Variants in EYS observed in about 807,000 individuals in gnomAD.
EYS encodes EGF-like photoreceptor maintenance factor, also known as protein eyes shut homolog.
A neutral mutation model predicts 282.1 loss-of-function variants in EYS; 250 were observed. The observed-to-expected ratio is 0.89, with a 90% CI of 0.80 to 0.98. The LOEUF is 0.98. EYS is among the 50% of genes least tolerant of loss of function. The pLI is 0.00. For missense variants in EYS, 4,016 were observed against 3,709.0 expected (o/e 1.08, Z -2.15); for synonymous variants, 1,355 against 1,282.9 (o/e 1.06, Z -1.20).
At chr6:64,045,013 G>A (rs145283199) in intron 33 of EYS, among the ~76,000 whole-genome samples, 2 of 152,212 alleles carry the variant, frequency 1.3e-5, no homozygotes, top group African/African-American at 2.4e-5. Flanking sequence ...TAAAAAGATT[G>A]TCTCATTGTA....
intron 26 of EYS, among the ~76,000 whole-genome samples, chr6:64,581,506 A>G (rs1442641883): frequency 6.6e-6 from 1 of 152,232 alleles, no homozygotes; most frequent in East Asian, 1.9e-4. Flanking sequence ...ATGTCATTCT[A>G]TGTAAGAAAA....
chr6:64,567,387 A>G (rs1765597138), intron 26 of EYS, among the ~76,000 whole-genome samples: 1 of 152,202 alleles, frequency 6.6e-6, no homozygotes, highest in African/African-American at 2.4e-5. Flanking sequence ...TATCTATTTG[A>G]TGACTTAATG....
intron 2 of EYS, among the ~76,000 whole-genome samples, chr6:65,581,058 A>G (rs1247375380): frequency 2.0e-5 from 3 of 152,084 alleles, no homozygotes; most frequent in African/African-American, 4.8e-5. Flanking sequence ...CTCATAATGG[A>G]TCTCTTAAGG....
intron 35 of EYS, among the ~76,000 whole-genome samples, chr6:63,875,922 G>C (rs941598277): frequency 2.6e-5 from 4 of 152,120 alleles, no homozygotes; most frequent in Admixed American, 6.5e-5. Context: ...CAAAAAACCA[G>C]CTCCTGGATT....
At chr6:64,958,595 C>T (rs886614768) in intron 14 of EYS, among the ~76,000 whole-genome samples, 1 of 150,472 alleles carries the variant, frequency 6.6e-6, no homozygotes, top group South Asian at 2.1e-4. Context: ...ATTAGCCGGG[C>T]GCAGTGGCGG....
At chr6:64,463,736 T>C (rs1775831155) in intron 26 of EYS, among the ~76,000 whole-genome samples, 1 of 152,062 alleles carries the variant, frequency 6.6e-6, no homozygotes, top group African/African-American at 2.4e-5. Flanking sequence ...ACATTACAAA[T>C]AATACCATAG....
intron 35 of EYS, among the ~76,000 whole-genome samples, chr6:63,910,276 A>T (rs991913515): frequency 6.6e-6 from 1 of 152,284 alleles, no homozygotes; most frequent in African/African-American, 2.4e-5. Context: ...ACTAAATGTC[A>T]GTGGTGGTGT....
chr6:64,822,181 G>A (rs1764919200), intron 20 of EYS, among the ~76,000 whole-genome samples: 1 of 152,006 alleles, frequency 6.6e-6, no homozygotes. Flanking sequence ...CACTCTAGAT[G>A]TGTATTAACC....
chr6:63,982,027 A>C lies in EYS; in HGVS notation c.7055+2356T>G, dbSNP rs115330133. On this transcript the variant is annotated intron_variant, in intron 35 of 42. Transcript: ENST00000503581. ...TTATTGTTATTTTCAAATACATATT[A>C]AATAACTGAGATTGGAATTAATGTG... is the stretch of plus-strand genomic sequence containing the variant. Among the ~76,000 whole-genome samples the C allele has an allele frequency of 7.1e-3, 1,084 of 152,008 alleles. 8 individuals are homozygous for C. The highest frequency in any genetic ancestry group is 0.025 in the African/African-American group (1,034 of 41,494).
chr6:64,660,184 C>A (rs1216296432), intron 22 of EYS, among the ~76,000 whole-genome samples: 1 of 152,182 alleles, frequency 6.6e-6, no homozygotes, highest in African/African-American at 2.4e-5. Flanking sequence ...CAAAATTCAA[C>A]AACACTTCAT....
chr6:64,057,915 T>C (rs1304462460), intron 33 of EYS, among the ~76,000 whole-genome samples: 1 of 152,148 alleles, frequency 6.6e-6, no homozygotes, highest in Non-Finnish European at 1.5e-5. Context: ...CACTGCAGCC[T>C]CAACCTCCCA....
rs187194564 is a variant in EYS at position 64,105,978 on chromosome 6, G to C, written c.6425-23976C>G. Among the ~76,000 whole-genome samples, 36 of 152,230 alleles carry C rather than the reference G, an allele frequency of 2.4e-4. 1 individual carries two copies. Among genetic ancestry groups the C allele is most frequent in the Admixed American group, 2.1e-3 (32 of 15,264 alleles). On this transcript the variant is annotated intron_variant, in intron 31 of 42. Coordinates refer to ENST00000503581, the MANE Select transcript of EYS (RefSeq NM_001142800.2). ...GTGGGCTTCTTTTAGAAAACATACA[G>C]TTGGGTCTTGTTTTTGATACATTCT...
intron 12 of EYS, among the ~76,000 whole-genome samples, chr6:65,269,103 G>A (rs904797614): frequency 3.9e-5 from 6 of 152,038 alleles, no homozygotes; most frequent in African/African-American, 1.4e-4. Context: ...GGCTCTGTTT[G>A]TCAGTATCAG....
intron 5 of EYS, among the ~76,000 whole-genome samples, chr6:65,453,827 G>A (rs564008333): frequency 6.6e-6 from 1 of 152,000 alleles, no homozygotes; most frequent in East Asian, 1.9e-4. Flanking sequence ...ATGTCCTGCA[G>A]GTTCATTCAT....
At chr6:65,394,433 A>C (rs938296004) in intron 7 of EYS, among the ~76,000 whole-genome samples, 21 of 152,058 alleles carry the variant, frequency 1.4e-4, no homozygotes, top group African/African-American at 3.9e-4. Context: ...AGGTGATCAG[A>C]GACCCTAGGA....
intron 26 of EYS, among the ~76,000 whole-genome samples, chr6:64,446,260 G>T (rs1318944541): frequency 6.6e-6 from 1 of 152,048 alleles, no homozygotes; most frequent in South Asian, 2.1e-4. Context: ...CCTTGCATGA[G>T]AATAACGAAA....
intron 31 of EYS, among the ~76,000 whole-genome samples, chr6:64,160,494 A>C (rs571773241): frequency 6.6e-6 from 1 of 152,360 alleles, no homozygotes; most frequent in South Asian, 2.1e-4. Context: ...GTCTTTGTGC[A>C]TAAATCTAGC....
At chr6:65,619,481 C>T (rs1176982580) in intron 2 of EYS, among the ~76,000 whole-genome samples, 1 of 152,190 alleles carries the variant, frequency 6.6e-6, no homozygotes, top group Admixed American at 6.5e-5. Context: ...TCCAGATATA[C>T]AATCATGTCA....
chr6:64,462,794 A>C (rs1297449691), intron 26 of EYS, among the ~76,000 whole-genome samples: 1 of 152,172 alleles, frequency 6.6e-6, no homozygotes, highest in Admixed American at 6.6e-5. Flanking sequence ...TTCAGGAGGG[A>C]GTACAGGTAA....
Sources: gnomAD v4.1 joint callset for allele counts (sites outside exome capture counted in the v4.1 genomes callset) on GRCh38, gnomAD v4.1.1 for gene constraint, MANE v1.5 for transcripts, NCBI Gene and HGNC (gene_info 2026-07-23, HGNC 2026-07-21) for gene names.